The following TSC1 variants were observed in gnomAD, a reference collection of about 807,000 sequenced individuals.
The protein encoded by TSC1 is TSC complex subunit 1.
Under a neutral mutation model 124.3 loss-of-function variants are expected in TSC1, and 20 were observed. The observed-to-expected ratio is 0.16, with a 90% CI of 0.11 to 0.23. The LOEUF is 0.23. Ranked by LOEUF, TSC1 falls within the 10% of genes least tolerant of loss-of-function variation. The pLI, the probability that TSC1 is intolerant of heterozygous loss-of-function variation, is 1.00. For synonymous variants in TSC1, 493 were observed against 539.1 expected, an observed-to-expected ratio of 0.91 and a Z score of 1.19; for missense variants, 1,124 against 1,448.5, an observed-to-expected ratio of 0.78 and a Z score of 3.64.
rs118203661 is a variant in TSC1, at chr9:132,902,769, G to C, written c.2227C>G (p.Gln743Glu). Residue 743 changes from glutamine to glutamate, a missense_variant, in exon 18 of 23, where the codon CAA becomes GAA. Around this residue, in one of 5 missense-constraint regions of TSC1, gnomAD observed 321 missense variants for 397.4 expected, o/e 0.81. Coordinates refer to ENST00000298552, the MANE Select transcript of TSC1 (RefSeq NM_000368.5). This position sits in a 1 kb window ranked among gnomAD's most constrained non-coding sequence, Gnocchi z 5.2. ...NAAMKDQLKL[Q>E]EKDIQMWKVS... ...TTCCACATCTGGATGTCCTTCTCTT[G>C]TAACTTCAACTGATCTTTCTAGCAG... is the stretch of plus-strand genomic sequence containing the variant. 1 of 1,613,736 alleles carries C rather than the reference G, an allele frequency of 6.2e-7. No homozygotes were observed. Among genetic ancestry groups the C allele is most frequent in the Non-Finnish European group, 8.5e-7 (1 of 1,180,028 alleles).
chr9:132,908,483 G>A (rs1274808487), intron 12 of TSC1, among the ~76,000 whole-genome samples: 1 of 152,142 alleles, frequency 6.6e-6, no homozygotes, highest in African/African-American at 2.4e-5. Context: ...GACAGGGTCT[G>A]GCTCTGTCAC....
chr9:132,905,425 A>G (rs555908050), intron 15 of TSC1, among the ~76,000 whole-genome samples, 156 bp downstream of exon 15: 52 of 152,332 alleles, frequency 3.4e-4, no homozygotes, highest in Admixed American at 1.8e-3. Context: ...ACATATATGA[A>G]GATGCAACAG....
chr9:132,906,219 G>T lies in TSC1; in HGVS notation c.1439-80C>A. 1 of 1,463,860 alleles carries T rather than the reference G, an allele frequency of 6.8e-7. No individual in the cohort carries two copies. Among genetic ancestry groups the T allele is most frequent in the Non-Finnish European group, 9.4e-7 (1 of 1,066,258 alleles). The allele number at this position is 1,463,860 out of a possible 1,614,324, so 90.7% of individuals were successfully genotyped here. A position where few individuals can be genotyped will look rare whatever the true frequency, so the allele number is the denominator to read the frequency against. ...GACTAGGCAGTTTGGGTGGCATGCT[G>T]CCACATGCCAGTGTCACTCAGAGAG... On this transcript the variant is annotated intron_variant, in intron 14 of 22. Transcript: ENST00000298552. This position sits in a 1 kb window ranked among gnomAD's most constrained non-coding sequence, Gnocchi z 4.1.
At chr9:132,920,414 G>A (rs1217898529) in intron 8 of TSC1, among the ~76,000 whole-genome samples, 6 of 152,220 alleles carry the variant, frequency 3.9e-5, no homozygotes, top group Non-Finnish European at 7.3e-5. Flanking sequence ...TCCACGGGGA[G>A]CCTCTAAGGT....
intron 4 of TSC1, chr9:132,926,587 A>G (rs1038823372): frequency 6.5e-6 from 1 of 154,328 alleles, no homozygotes; most frequent in Non-Finnish European, 1.4e-5. Flanking sequence ...AAGTCTAAAA[A>G]TTCTATTCAA....
intron 4 of TSC1, chr9:132,925,966 C>A: frequency 1.7e-6 from 1 of 572,026 alleles, no homozygotes; most frequent in South Asian, 2.0e-5. Context: ...TGAAAAAGGA[C>A]CCTACAATAC....
intron 2 of TSC1, among the ~76,000 whole-genome samples, chr9:132,930,739 T>G (rs1847159357): frequency 6.6e-6 from 1 of 152,212 alleles, no homozygotes; most frequent in Non-Finnish European, 1.5e-5. Context: ...TTCACTGATT[T>G]TGGCTCTTAG....
intron 18 of TSC1, 84 bp from the exon 19 acceptor site, chr9:132,901,783 A>G: frequency 5.7e-6 from 7 of 1,221,454 alleles, no homozygotes; most frequent in Non-Finnish European, 8.4e-6. Context: ...CCCACAGAGG[A>G]CTGGGAATGC....
intron 8 of TSC1, 76 bp from the exon 9 acceptor site, chr9:132,912,533 G>A: frequency 6.4e-7 from 1 of 1,551,966 alleles, no homozygotes; most frequent in Non-Finnish European, 8.8e-7. Flanking sequence ...TCAACTCAGT[G>A]CCAGCCACGG....
chr9:132,909,016 C>T (rs201483664), intron 12 of TSC1, among the ~76,000 whole-genome samples: 16 of 151,394 alleles, frequency 1.1e-4, no homozygotes, highest in Non-Finnish European at 2.2e-4. Context: ...GTGATTCTCC[C>T]GCCTCAGCCT....
At position 132,923,154 on chromosome 9, in the gene TSC1, G is replaced by A. The variant is rs192250583; in HGVS notation, c.508+194C>T. On this transcript the variant is annotated intron_variant, in intron 6 of 22. Coordinates refer to ENST00000298552, the MANE Select transcript of TSC1 (RefSeq NM_000368.5). This position sits in a 1 kb window ranked among gnomAD's most constrained non-coding sequence, Gnocchi z 4.2. ...CTTTTAAGCCAAGAAAATAAAAAAAGTTATCTCAACAGTCATGTTTCTTCT... is the reference window on the plus strand; with the variant it reads ...CTTTTAAGCCAAGAAAATAAAAAAAATTATCTCAACAGTCATGTTTCTTCT... 1.3e-5 allele frequency among the ~76,000 whole-genome samples: 2 copies of A among 152,268 alleles called. No homozygotes were observed. Among genetic ancestry groups the A allele is most frequent in the East Asian group, 1.9e-4 (1 of 5,180 alleles).
intron 8 of TSC1, among the ~76,000 whole-genome samples, chr9:132,913,982 T>C (rs1846130361): frequency 8.0e-6 from 1 of 125,110 alleles, no homozygotes; most frequent in Non-Finnish European, 1.6e-5. Context: ...CACTGCAACC[T>C]CCACCTTCTG....
In TSC1 at chr9:132,910,135, C is replaced by T. The variant is rs544229173; in HGVS notation, c.1263+436G>A. ...GCAACATAGTGAGACCTCATCTCCACCAAAAAAAAAAAAAACTTAGCCAGG... is the reference window on the plus strand; with the variant it reads ...GCAACATAGTGAGACCTCATCTCCATCAAAAAAAAAAAAAACTTAGCCAGG... On this transcript the variant is annotated intron_variant, in intron 12 of 22. Coordinates refer to ENST00000298552, the MANE Select transcript of TSC1 (RefSeq NM_000368.5). 9.3e-5 allele frequency: 24 copies of T among 258,468 alleles called. No individual in the cohort carries two copies. The South Asian group carries it at 1.6e-3, about 17-fold the overall frequency. The allele number at this position is 258,468 out of a possible 1,614,324, so 16.0% of individuals were successfully genotyped here.
At chr9:132,931,544 G>GT (rs1373286134) in intron 2 of TSC1, 2 of 152,138 alleles carry the variant, frequency 1.3e-5, no homozygotes, top group Non-Finnish European at 2.9e-5. Flanking sequence ...AAATTCTACT[G>GT]TTTACCATAG....
At chr9:132,918,932 A>G in intron 8 of TSC1, among the ~76,000 whole-genome samples, 1 of 152,258 alleles carries the variant, frequency 6.6e-6, no homozygotes, top group East Asian at 1.9e-4. Flanking sequence ...TAGAAGAAAC[A>G]GATTATGCAG....
chr9:132,906,676 T>G lies in TSC1; in HGVS notation c.1438+55A>C. On this transcript the variant is annotated intron_variant, in intron 14 of 22. Transcript: ENST00000298552. The surrounding 1 kb of genome is among the most constrained non-coding windows in gnomAD (Gnocchi z 4.1). ...GAGCAATGGCACAAAATCCCAGATT[T>G]ATAGCAGAGCGAGGGTCAGGTTTTA... 1 of 1,469,914 alleles carries G rather than the reference T, an allele frequency of 6.8e-7. No homozygotes were observed. Among genetic ancestry groups the G allele is most frequent in the South Asian group, 1.2e-5 (1 of 83,790 alleles). 91.1% of individuals were successfully genotyped at this position (1,469,914 alleles called of 1,614,324 possible). A position where few individuals can be genotyped will look rare whatever the true frequency, so the allele number is the denominator to read the frequency against.
intron 8 of TSC1, among the ~76,000 whole-genome samples, chr9:132,916,143 C>T (rs953351941): frequency 2.6e-5 from 4 of 152,156 alleles, no homozygotes; most frequent in Non-Finnish European, 5.9e-5. Flanking sequence ...TGGGAACCAT[C>T]GTCTAATCAA....
At position 132,902,322 on chromosome 9, in the gene TSC1, G is replaced by C. The variant is rs981210852; in HGVS notation, c.2391+283C>G. ...ACATTCGTACTCACTAAGTTATTCA[G>C]ATCTACTTAATGAGCAGAACTGTTA... On this transcript the variant is annotated intron_variant, in intron 18 of 22. Coordinates refer to ENST00000298552, the MANE Select transcript of TSC1 (RefSeq NM_000368.5). The surrounding 1 kb of genome is among the most constrained non-coding windows in gnomAD (Gnocchi z 5.2). Among the ~76,000 whole-genome samples, 11 of 152,172 alleles carry C rather than the reference G, an allele frequency of 7.2e-5. No individual in the cohort carries two copies. The highest frequency in any genetic ancestry group is 2.7e-4 in the African/African-American group (11 of 41,438).
At position 132,903,862 on chromosome 9, in the gene TSC1, A is replaced by T. The variant is rs144803930; in HGVS notation, c.2042-45T>A. 6 of 1,610,116 alleles carry T rather than the reference A, an allele frequency of 3.7e-6. No individual in the cohort carries two copies. The highest frequency in any genetic ancestry group is 5.1e-6 in the Non-Finnish European group (6 of 1,178,014). The stretch of plus-strand genomic sequence containing the variant: ...AGGGTGGCAGAAATGCCTTTTACAG[A>T]TGGTTCAATCAAGCCCCCTTCCCAT... On this transcript the variant is annotated intron_variant, in intron 16 of 22. Coordinates refer to ENST00000298552, the MANE Select transcript of TSC1 (RefSeq NM_000368.5). The surrounding 1 kb of genome is among the most constrained non-coding windows in gnomAD (Gnocchi z 5.9).
Sources: allele counts gnomAD v4.1 joint callset (sites outside exome capture counted in the v4.1 genomes callset), GRCh38; gene constraint gnomAD v4.1.1; regional missense constraint gnomAD v4.1.1; non-coding constraint Gnocchi (gnomAD v3.1); transcripts MANE v1.5; gene names NCBI Gene and HGNC (gene_info 2026-07-23, HGNC 2026-07-21).